Variants in RYR3 observed in about 807,000 individuals in gnomAD.
The protein encoded by RYR3 is brain ryanodine receptor-calcium release channel.
In RYR3, 207 loss-of-function variants were observed where a neutral mutation model predicts 584.3. That is an observed-to-expected ratio of 0.35 (90% CI 0.32 to 0.40). The LOEUF (loss-of-function observed/expected upper bound fraction) is 0.40. RYR3 is among the 10% of genes least tolerant of loss of function. RYR3 has a pLI of 1.00. For missense variants in RYR3, 5,616 were observed against 6,089.2 expected, an observed-to-expected ratio of 0.92 and a Z score of 2.59; for synonymous variants, 2,416 against 2,248.5, an observed-to-expected ratio of 1.07 and a Z score of -2.11.
rs556752889 is a variant in RYR3 at position 33,648,507 on chromosome 15, A to T, written c.3979-565A>T. 1.8e-3 allele frequency among the ~76,000 whole-genome samples: 270 copies of T among 152,304 alleles called. 1 individual carries two copies. The highest frequency in any genetic ancestry group is 1.8e-3 in the Non-Finnish European group (120 of 68,020). Reference sequence around the variant, plus strand: ...AAAACTGCTGTACTTCTCAATACTGACTGTAGTTGAGTGTGACAGCTACAC... The same window carrying T: ...AAAACTGCTGTACTTCTCAATACTGTCTGTAGTTGAGTGTGACAGCTACAC... On this transcript the variant is annotated intron_variant, in intron 30 of 103. Coordinates refer to ENST00000634891, the MANE Select transcript of RYR3 (RefSeq NM_001036.6).
At chr15:33,754,144 A>G (rs2071587460) in intron 57 of RYR3, among the ~76,000 whole-genome samples, 1 of 152,248 alleles carries the variant, frequency 6.6e-6, no homozygotes, top group South Asian at 2.1e-4. Flanking sequence ...ACTCCATCTC[A>G]AAAATAAAAA....
chr15:33,711,716 C>T (rs923461815), intron 43 of RYR3, among the ~76,000 whole-genome samples: 3 of 152,174 alleles, frequency 2.0e-5, no homozygotes, highest in African/African-American at 7.2e-5. Context: ...AAATAAGTTC[C>T]TCATTTCCAC....
chr15:33,600,080 T>G (rs1046697391), intron 16 of RYR3, among the ~76,000 whole-genome samples: 6 of 152,196 alleles, frequency 3.9e-5, no homozygotes, highest in Admixed American at 1.3e-4. Context: ...AGCCTCTGGA[T>G]TTCAAGTTTC....
intron 46 of RYR3, 83 bp downstream of exon 46, chr15:33,726,589 C>A: frequency 2.8e-6 from 4 of 1,413,400 alleles, no homozygotes; most frequent in Non-Finnish European, 2.8e-6. Flanking sequence ...AGCACAGTGG[C>A]CCCCAGGCCC....
chr15:33,785,382 G>A (rs908964855), intron 65 of RYR3, among the ~76,000 whole-genome samples: 11 of 152,142 alleles, frequency 7.2e-5, no homozygotes, highest in African/African-American at 2.7e-4. Context: ...ATAGTCTTAG[G>A]AACTAACTAT....
chr15:33,452,140 C>A (rs2047184564), intron 1 of RYR3, among the ~76,000 whole-genome samples: 1 of 152,216 alleles, frequency 6.6e-6, no homozygotes, highest in African/African-American at 2.4e-5. Context: ...AGGCTGCGAT[C>A]CAGCCTTTCT....
At chr15:33,550,507 A>G (rs1009874430) in intron 10 of RYR3, among the ~76,000 whole-genome samples, 191 bp downstream of exon 10, 1 of 152,214 alleles carries the variant, frequency 6.6e-6, no homozygotes, top group Non-Finnish European at 1.5e-5. Flanking sequence ...CCTTGGATGA[A>G]GGTTGAAGTC....
At chr15:33,381,694 A>AT (rs2041201333) in intron 1 of RYR3, among the ~76,000 whole-genome samples, 1 of 152,144 alleles carries the variant, frequency 6.6e-6, no homozygotes, top group African/African-American at 2.4e-5. Flanking sequence ...GTGGTTCTGC[A>AT]AGACGCATGG....
In RYR3 at chr15:33,838,501, A is replaced by C; in HGVS notation, c.12521A>C (p.Lys4174Thr). ...AGGAAGCAGTACAGGAACGTGAAAA[A>C]GATGACTGCGAAGGAGCTGGTGAAG... ...NLRKQYRNVKKMTAKELVKVL... is the reference protein window; with the variant it reads ...NLRKQYRNVKTMTAKELVKVL... The change falls in exon 89 of 104, where the codon AAG becomes ACG. Residue 4174 changes from lysine (K) to threonine (T), a missense_variant. Around this residue, in one of 9 missense-constraint regions of RYR3, gnomAD observed 918 missense variants for 887.4 expected, o/e 1.03. Coordinates refer to ENST00000634891, the MANE Select transcript of RYR3 (RefSeq NM_001036.6). 6.2e-7 allele frequency: 1 copy of C among 1,614,020 alleles called. No individual in the cohort carries two copies. Among genetic ancestry groups the C allele is most frequent in the Non-Finnish European group, 8.5e-7 (1 of 1,179,882 alleles).
chr15:33,413,469 C>T (rs2043556192), intron 1 of RYR3, among the ~76,000 whole-genome samples: 1 of 152,250 alleles, frequency 6.6e-6, no homozygotes, highest in South Asian at 2.1e-4. Flanking sequence ...CCACTGAGAG[C>T]TCCCTGTGTG....
intron 43 of RYR3, among the ~76,000 whole-genome samples, chr15:33,710,754 C>G (rs1026533995): frequency 6.6e-6 from 1 of 152,214 alleles, no homozygotes; most frequent in Non-Finnish European, 1.5e-5. Context: ...CTTAACACTA[C>G]ATGGAAACTG....
intron 1 of RYR3, among the ~76,000 whole-genome samples, chr15:33,458,310 G>A (rs901211911): frequency 6.6e-6 from 1 of 152,080 alleles, no homozygotes; most frequent in Admixed American, 6.6e-5. Context: ...GTGGAAGAAG[G>A]GCAAATTCTC....
rs1555427643 is a variant in RYR3 at position 33,725,976 on chromosome 15, C to CGCCAAAAAA, written c.6913-410_6913-409insGCCAAAAAA. On this transcript the variant is annotated intron_variant, in intron 45 of 103. Transcript: ENST00000634891. ...CAGAGCAAGACTCCATCCCCCCCCC[C>CGCCAAAAAA]AAAAAAAAAAAAAAAAAAAAACAGA... Among the ~76,000 whole-genome samples, 20 of 31,522 alleles carry CGCCAAAAAA rather than the reference C, an allele frequency of 6.3e-4. 4 individuals carry two copies. The highest frequency in any genetic ancestry group is 8.9e-4 in the Non-Finnish European group (15 of 16,876). 20.7% of individuals were successfully genotyped at this position (31,522 alleles called of 152,430 possible). A position where few individuals can be genotyped will look rare whatever the true frequency, so the allele number is the denominator to read the frequency against.
chr15:33,771,309 G>A (rs1038182617), intron 62 of RYR3, among the ~76,000 whole-genome samples: 1 of 152,240 alleles, frequency 6.6e-6, no homozygotes, highest in Non-Finnish European at 1.5e-5. Context: ...GCCAAGGCGG[G>A]CGGATCACCA....
At chr15:33,333,870 C>G in intron 1 of RYR3, among the ~76,000 whole-genome samples, 1 of 152,114 alleles carries the variant, frequency 6.6e-6, no homozygotes, top group East Asian at 1.9e-4. Context: ...AATCAATGTG[C>G]AAAAATTGCT....
At chr15:33,710,040 T>C (rs1188635167) in intron 43 of RYR3, among the ~76,000 whole-genome samples, 1 of 152,160 alleles carries the variant, frequency 6.6e-6, no homozygotes, top group Non-Finnish European at 1.5e-5. Flanking sequence ...GTTGGTAAAA[T>C]GGACTAGAAG....
At chr15:33,330,016 C>T (rs1396391979) in intron 1 of RYR3, among the ~76,000 whole-genome samples, 1 of 152,098 alleles carries the variant, frequency 6.6e-6, no homozygotes, top group Non-Finnish European at 1.5e-5. Context: ...CCCTGAGGTC[C>T]TTCAGGGCAG....
intron 18 of RYR3, among the ~76,000 whole-genome samples, chr15:33,608,415 C>T (rs753070016): frequency 2.0e-5 from 3 of 152,242 alleles, no homozygotes; most frequent in Non-Finnish European, 4.4e-5. Flanking sequence ...ATTACTTTCT[C>T]TGCATGTGAG....
chr15:33,823,640 A>G (rs542305147), intron 81 of RYR3, among the ~76,000 whole-genome samples: 2 of 152,320 alleles, frequency 1.3e-5, no homozygotes, highest in African/African-American at 4.8e-5. Flanking sequence ...TTCCATTCAT[A>G]TTATTAAGCT....
Sources: gnomAD v4.1 joint callset for allele counts (sites outside exome capture counted in the v4.1 genomes callset) on GRCh38, gnomAD v4.1.1 for gene constraint, gnomAD v4.1.1 regional missense constraint, MANE v1.5 for transcripts, NCBI Gene and HGNC (gene_info 2026-07-23, HGNC 2026-07-21) for gene names.